The following WSCD1 variants were observed in gnomAD, a reference collection of about 807,000 sequenced individuals.
The protein encoded by WSCD1 is sialate:O-sulfotransferase 1.
Under a neutral mutation model 60.4 loss-of-function variants are expected in WSCD1, and 41 were observed. The observed-to-expected ratio is 0.68, with a 90% CI of 0.53 to 0.88. The LOEUF is 0.88. Ranked by LOEUF, WSCD1 falls within the 40% of genes least tolerant of loss-of-function variation. The pLI is 0.00. For synonymous variants in WSCD1, 361 were observed against 332.5 expected (o/e 1.09, Z -0.93); for missense variants, 784 against 796.2 (o/e 0.98, Z 0.18).
At chr17:6,084,109 T>C (rs1160400064) in intron 2 of WSCD1, among the ~76,000 whole-genome samples, 1 of 152,218 alleles carries the variant, frequency 6.6e-6, no homozygotes, top group Non-Finnish European at 1.5e-5. Context: ...GCCTCCCCAG[T>C]GGCTCCCAGA....
chr17:6,103,543 T>C (rs1217828992), intron 5 of WSCD1, among the ~76,000 whole-genome samples: 2 of 152,130 alleles, frequency 1.3e-5, no homozygotes, highest in African/African-American at 4.8e-5. Context: ...GCTCAAGTCT[T>C]CAGAGAGCCA....
chr17:6,104,958 C>T (rs1911003393), intron 5 of WSCD1, among the ~76,000 whole-genome samples: 1 of 152,116 alleles, frequency 6.6e-6, no homozygotes, highest in South Asian at 2.1e-4. Context: ...CCCTGGGGAT[C>T]CTAGAAAAGT....
At chr17:6,108,461 G>A (rs935082578) in intron 5 of WSCD1, among the ~76,000 whole-genome samples, 1 of 152,108 alleles carries the variant, frequency 6.6e-6, no homozygotes, top group Non-Finnish European at 1.5e-5. Context: ...GAGATGAAAA[G>A]GGGCTAGTGC....
At position 6,075,632 on chromosome 17, in the gene WSCD1, A is replaced by G. The variant is rs1029866685; in HGVS notation, c.-288-4739A>G. Among the ~76,000 whole-genome samples the G allele has an allele frequency of 6.6e-6, 1 of 151,988 alleles. No homozygotes were observed. The highest frequency in any genetic ancestry group is 2.4e-5 in the African/African-American group (1 of 41,354). On this transcript the variant is annotated intron_variant, in intron 1 of 8. Coordinates refer to ENST00000317744, the MANE Select transcript of WSCD1 (RefSeq NM_015253.2). The surrounding 1 kb of genome is among the most constrained non-coding windows in gnomAD (Gnocchi z 4.1). ...CCATTTGTTCTGTTACTCTCTTCTC[A>G]TGCTTGACAGGGAACTCAGAATCTC...
chr17:6,084,678 C>G (rs1279284684), intron 2 of WSCD1: 1 of 152,222 alleles, frequency 6.6e-6, no homozygotes, highest in Non-Finnish European at 1.5e-5. Flanking sequence ...CAAAGACATT[C>G]CAATATCTTC....
At chr17:6,081,188 CT>C in intron 2 of WSCD1, 103 bp downstream of exon 2, 1 of 1,307,746 alleles carries the variant, frequency 7.6e-7, no homozygotes, top group Non-Finnish European at 1.0e-6. Context: ...GCCTTCACCG[CT>C]AGATGGTTCT....
Position 6,081,194 on chromosome 17 carries a change from G to A in WSCD1, c.427+109G>A. ...AGGCCTGTGGCCTTCACCGCTAGAT[G>A]GTTCTTTCCTTCTGCTCTGCAGGAC... On this transcript the variant is annotated intron_variant, in intron 2 of 8. Transcript: ENST00000317744. 2 of 1,294,578 alleles carry A rather than the reference G, an allele frequency of 1.5e-6. 1 individual carries two copies. Among genetic ancestry groups the A allele is most frequent in the South Asian group, 3.1e-5 (2 of 63,724 alleles). The allele number at this position is 1,294,578 out of a possible 1,614,324, so 80.2% of individuals were successfully genotyped here. A position where few individuals can be genotyped will look rare whatever the true frequency, so the allele number is the denominator to read the frequency against.
At chr17:6,091,403 T>C (rs898297359) in intron 4 of WSCD1, among the ~76,000 whole-genome samples, 11 of 152,086 alleles carry the variant, frequency 7.2e-5, no homozygotes, top group Admixed American at 2.6e-4. Context: ...TGTGTGGCCG[T>C]GGGGCTCAGC....
At chr17:6,069,980 T>G (rs1260707581), upstream of WSCD1, among the ~76,000 whole-genome samples, 2 of 151,568 alleles carry the variant, frequency 1.3e-5, no homozygotes, top group African/African-American at 4.9e-5. Context: ...TCGGGATGTG[T>G]GTGTCAGGCA....
rs997132303 is a variant in WSCD1 at position 6,123,286 on chromosome 17, TA to T, written c.*2629del. ...CCTGTGGAGTTACACAAACCTGTGT[TA>T]AAACATGTAATTTTTATGGATTTCA... On this transcript the variant is annotated 3_prime_UTR_variant, in exon 9 of 9. Coordinates refer to ENST00000317744, the MANE Select transcript of WSCD1 (RefSeq NM_015253.2). 1.5e-4 allele frequency: 23 copies of T among 152,220 alleles called. No individual in the cohort carries two copies. The highest frequency in any genetic ancestry group is 5.5e-4 in the African/African-American group (23 of 41,458). The allele number at this position is 152,220 out of a possible 1,614,324, so 9.4% of individuals were successfully genotyped here.
At chr17:6,087,084 C>T (rs1035382174) in intron 2 of WSCD1, among the ~76,000 whole-genome samples, 7 of 152,318 alleles carry the variant, frequency 4.6e-5, no homozygotes, top group African/African-American at 9.6e-5. Context: ...TGTGCGTTCA[C>T]GGCTTGGGGA....
chr17:6,088,883 C>T (rs564557982), intron 3 of WSCD1, among the ~76,000 whole-genome samples: 9 of 151,688 alleles, frequency 5.9e-5, no homozygotes, highest in Non-Finnish European at 1.0e-4. Context: ...CCTGGGTTCA[C>T]GCCATTCGCC....
In WSCD1 at chr17:6,120,535, C is replaced by G. The variant is rs147003906; in HGVS notation, c.1602C>G (p.Arg534=). ...KEGSFRRRGR[R]SHDPEPFTPE... is the part of the protein sequence containing the mutation. ...GCAGCTTCCGGCGGCGCGGCCGGCG[C>G]TCCCACGACCCTGAGCCCTTCACCC... The change falls in exon 9 of 9, where the codon CGC becomes CGG. Residue 534 remains arginine, a synonymous_variant. Coordinates refer to ENST00000317744, the MANE Select transcript of WSCD1 (RefSeq NM_015253.2). 6.2e-6 allele frequency: 10 copies of G among 1,613,662 alleles called. No individual in the cohort carries two copies. The highest frequency in any genetic ancestry group is 8.5e-6 in the Non-Finnish European group (10 of 1,180,018).
At chr17:6,120,107 G>C (rs1269567317) in intron 8 of WSCD1, among the ~76,000 whole-genome samples, 1 of 152,228 alleles carries the variant, frequency 6.6e-6, no homozygotes, top group Admixed American at 6.5e-5. Context: ...CATCCCACCA[G>C]GATGCCCAGA....
At chr17:6,072,439 A>G (rs1651129248) in intron 1 of WSCD1, among the ~76,000 whole-genome samples, 1 of 152,198 alleles carries the variant, frequency 6.6e-6, no homozygotes, top group African/African-American at 2.4e-5. Flanking sequence ...CCCTCCGAGC[A>G]GGGCCTCTAG....
Position 6,118,068 on chromosome 17 carries a change from G to A in WSCD1, c.1255G>A (p.Glu419Lys). 6.2e-7 allele frequency: 1 copy of A among 1,614,198 alleles called. No homozygotes were observed. The highest frequency in any genetic ancestry group is 2.2e-5 in the East Asian group (1 of 44,880). The change falls in exon 8 of 9, where the codon GAG (glutamate) becomes AAG (lysine). Residue 419 changes from glutamate to lysine, a missense_variant. Transcript: ENST00000317744. This position sits in a 1 kb window ranked among gnomAD's most constrained non-coding sequence, Gnocchi z 5.8. ...KTHESGRREI[E>K]MFDSAILLIR... ...CCACGAGAGTGGCAGGAGGGAGATT[G>A]AGATGTTTGATTCAGCCATCCTGCT...
chr17:6,095,105 G>A lies in WSCD1; in HGVS notation c.731G>A (p.Arg244Gln), dbSNP rs199838610. The A allele has an allele frequency of 1.5e-4, 238 of 1,609,672 alleles. No individual in the cohort carries two copies. Among genetic ancestry groups the A allele is most frequent in the South Asian group, 3.7e-4 (33 of 90,166 alleles). The change falls in exon 5 of 9, where the codon CGG (arginine) becomes CAG (glutamine). Residue 244 changes from arginine to glutamine, a missense_variant. Transcript: ENST00000317744. ...DELQPGSRKR[R>Q]TATYRGCFRL... Reference sequence around the variant, plus strand: ...AAACCCCTCTCTTTTCCCCCAGGGCGGACCGCCACCTACCGCGGATGCTTC... The same window carrying A: ...AAACCCCTCTCTTTTCCCCCAGGGCAGACCGCCACCTACCGCGGATGCTTC...
At chr17:6,095,594 C>T (rs1378822767) in intron 5 of WSCD1, among the ~76,000 whole-genome samples, 2 of 152,202 alleles carry the variant, frequency 1.3e-5, no homozygotes, top group Admixed American at 6.5e-5. Context: ...TTGGTGCTGA[C>T]GGTGTTGGGC....
At position 6,121,320 on chromosome 17, in the gene WSCD1, CTG is replaced by C. The variant is rs1904688350; in HGVS notation, c.*662_*663del. 6.5e-6 allele frequency: 1 copy of C among 152,778 alleles called. No individual in the cohort carries two copies. The highest frequency in any genetic ancestry group is 1.5e-5 in the Non-Finnish European group (1 of 68,514). 9.5% of individuals were successfully genotyped at this position (152,778 alleles called of 1,614,324 possible). A position where few individuals can be genotyped will look rare whatever the true frequency, so the allele number is the denominator to read the frequency against. On this transcript the variant is annotated 3_prime_UTR_variant, in exon 9 of 9. Coordinates refer to ENST00000317744, the MANE Select transcript of WSCD1 (RefSeq NM_015253.2). ...CTCCGCAGCCTTGCCTCTCTTTTCT[CTG>C]TGGCTGGGCTGGCTGCACCATGGGC...
Sources: allele counts gnomAD v4.1 joint callset (sites outside exome capture counted in the v4.1 genomes callset), GRCh38; gene constraint gnomAD v4.1.1; non-coding constraint Gnocchi (gnomAD v3.1); transcripts MANE v1.5; gene names NCBI Gene and HGNC (gene_info 2026-07-23, HGNC 2026-07-21).